Variants in SLC8A1 observed in about 807,000 individuals in gnomAD.
SLC8A1 encodes the protein solute carrier family 8 member A1.
A neutral mutation model predicts 68.3 loss-of-function variants in SLC8A1; 18 were observed. The observed-to-expected ratio is 0.26, with a 90% CI of 0.18 to 0.39. The LOEUF (loss-of-function observed/expected upper bound fraction) is 0.39. Among genes scored for constraint, SLC8A1 ranks in the 10% least tolerant of loss-of-function variants. SLC8A1 has a pLI of 1.00. For missense variants in SLC8A1, 985 were observed against 1,156.7 expected, an observed-to-expected ratio of 0.85 and a Z score of 2.15; for synonymous variants, 475 against 415.5, an observed-to-expected ratio of 1.14 and a Z score of -1.74.
At chr2:40,320,782 G>C (rs1394832381) in intron 2 of SLC8A1, among the ~76,000 whole-genome samples, 1 of 152,072 alleles carries the variant, frequency 6.6e-6, no homozygotes, top group Middle Eastern at 3.2e-3. Context: ...CTTCTCAAAA[G>C]AACAATTTAT....
intron 2 of SLC8A1, among the ~76,000 whole-genome samples, chr2:40,181,230 G>A (rs2049489192): frequency 6.6e-6 from 1 of 152,180 alleles, no homozygotes; most frequent in Non-Finnish European, 1.5e-5. Context: ...AAAGTGCTGG[G>A]ATTACAGGGG....
chr2:40,193,091 A>G (rs116635501), intron 2 of SLC8A1, among the ~76,000 whole-genome samples: 6 of 152,226 alleles, frequency 3.9e-5, no homozygotes, highest in Non-Finnish European at 7.4e-5. Context: ...GTTTGTGCCA[A>G]TCAATCAAGG....
intron 2 of SLC8A1, among the ~76,000 whole-genome samples, chr2:40,399,520 C>G (rs921030839): frequency 6.6e-6 from 1 of 152,052 alleles, no homozygotes; most frequent in African/African-American, 2.4e-5. Context: ...GGAATGGTCT[C>G]GTCTCTAGAG....
At chr2:40,139,259 A>G (rs777680717) in intron 7 of SLC8A1, 142 bp downstream of exon 10, 49 of 911,916 alleles carry the variant, frequency 5.4e-5, no homozygotes, top group Non-Finnish European at 7.5e-5. Context: ...TTCCGGCAGT[A>G]ACATTTATTT....
chr2:40,272,974 A>C (rs1055703293), intron 2 of SLC8A1, among the ~76,000 whole-genome samples: 1 of 152,016 alleles, frequency 6.6e-6, no homozygotes, highest in African/African-American at 2.4e-5. Context: ...ATGGAGTCTC[A>C]CTCTGTCACC....
At chr2:40,352,233 A>T (rs1273099037) in intron 2 of SLC8A1, among the ~76,000 whole-genome samples, 2 of 152,166 alleles carry the variant, frequency 1.3e-5, no homozygotes. Flanking sequence ...AATTCAATTT[A>T]GGAATATACT....
intron 2 of SLC8A1, among the ~76,000 whole-genome samples, chr2:40,183,912 T>C (rs1393806474): frequency 2.0e-5 from 3 of 152,098 alleles, no homozygotes; most frequent in Admixed American, 1.3e-4. Flanking sequence ...TCCTAGCACT[T>C]TGAGAGATCG....
At chr2:40,319,864 G>C (rs969121287) in intron 2 of SLC8A1, among the ~76,000 whole-genome samples, 1 of 152,086 alleles carries the variant, frequency 6.6e-6, no homozygotes, top group African/African-American at 2.4e-5. Flanking sequence ...TCACAATTTT[G>C]CTCCTCCTTC....
At chr2:40,352,343 G>A (rs1226060276) in intron 2 of SLC8A1, among the ~76,000 whole-genome samples, 1 of 152,104 alleles carries the variant, frequency 6.6e-6, no homozygotes, top group Non-Finnish European at 1.5e-5. Context: ...ATGCCATTAT[G>A]TTTATTGAGA....
chr2:40,170,232 A>C lies in SLC8A1; in HGVS notation c.1930+4593T>G, dbSNP rs768273808. On this transcript the variant is annotated intron_variant, in intron 4 of 7. Transcript: ENST00000406785. ...CATGACTGTAATGTCTCTAACATTAAAGAACTCTGGGAGGCTGTGGTTTTC... is the reference window on the plus strand; with the variant it reads ...CATGACTGTAATGTCTCTAACATTACAGAACTCTGGGAGGCTGTGGTTTTC... 9.2e-6 allele frequency: 14 copies of C among 1,519,960 alleles called. No homozygotes were observed. The African/African-American group carries it at 1.6e-4, about 18-fold the overall frequency. The allele number at this position is 1,519,960 out of a possible 1,614,324, so 94.2% of individuals were successfully genotyped here.
chr2:40,144,930 G>C (rs920823991), intron 6 of SLC8A1, among the ~76,000 whole-genome samples: 1 of 152,140 alleles, frequency 6.6e-6, no homozygotes, highest in African/African-American at 2.4e-5. Flanking sequence ...TGTGACAAGA[G>C]CAGTTGAAGT....
At chr2:40,166,746 G>A (rs2046612705) in intron 4 of SLC8A1, among the ~76,000 whole-genome samples, 1 of 152,170 alleles carries the variant, frequency 6.6e-6, no homozygotes, top group East Asian at 1.9e-4. Flanking sequence ...CCACTGCTTT[G>A]TGATCCTTGA....
intron 2 of SLC8A1, among the ~76,000 whole-genome samples, chr2:40,404,906 C>T (rs1010067267): frequency 6.6e-6 from 1 of 152,054 alleles, no homozygotes; most frequent in Non-Finnish European, 1.5e-5. Context: ...ACTAATTTTC[C>T]TTTCTTTTCA....
intron 2 of SLC8A1, among the ~76,000 whole-genome samples, chr2:40,239,903 C>A (rs527890019): frequency 6.6e-6 from 1 of 152,118 alleles, no homozygotes; most frequent in Non-Finnish European, 1.5e-5. Context: ...CCATGGAAAC[C>A]GAACGAATAT....
Position 40,415,624 on chromosome 2 carries a change from C to T in SLC8A1, c.1808+12849G>A, listed in dbSNP as rs191614033. On this transcript the variant is annotated intron_variant, in intron 2 of 7. Coordinates refer to ENST00000406785, the Ensembl canonical transcript of SLC8A1. The stretch of plus-strand genomic sequence containing the variant: ...GATGTGGGTAGGTAAAGCAAACAAA[C>T]GGCAACATCAAATGCAAAGTCTTTC... 9.7e-4 allele frequency among the ~76,000 whole-genome samples: 147 copies of T among 152,150 alleles called. 1 individual carries two copies. The South Asian group carries it at 0.028, about 29-fold the overall frequency.
At chr2:40,194,557 A>G (rs1573877020) in intron 2 of SLC8A1, among the ~76,000 whole-genome samples, 1 of 152,030 alleles carries the variant, frequency 6.6e-6, no homozygotes, top group East Asian at 1.9e-4. Flanking sequence ...TTAAAGACAG[A>G]GATAGAATAA....
intron 2 of SLC8A1, among the ~76,000 whole-genome samples, chr2:40,232,125 G>A (rs1320012881): frequency 6.6e-6 from 1 of 152,090 alleles, no homozygotes; most frequent in East Asian, 1.9e-4. Context: ...ATCACTGAAG[G>A]TCAAAGCACA....
intron 7 of SLC8A1, among the ~76,000 whole-genome samples, chr2:40,119,491 T>C (rs190145650): frequency 1.3e-5 from 2 of 152,304 alleles, no homozygotes; most frequent in Admixed American, 6.5e-5. Flanking sequence ...ATACATCACA[T>C]ACCATATGTT....
intron 2 of SLC8A1, among the ~76,000 whole-genome samples, chr2:40,396,425 A>G (rs1475831015): frequency 6.6e-6 from 1 of 152,160 alleles, no homozygotes; most frequent in African/African-American, 2.4e-5. Context: ...TGCCAGTAAT[A>G]ATAGTAATAA....
Sources: gnomAD v4.1 joint callset for allele counts (sites outside exome capture counted in the v4.1 genomes callset) on GRCh38, gnomAD v4.1.1 for gene constraint, MANE v1.5 for transcripts, NCBI Gene and HGNC (gene_info 2026-07-23, HGNC 2026-07-21) for gene names.